Variants in CCNJL observed in about 807,000 individuals in gnomAD.
CCNJL encodes cyclin J like.
Under a neutral mutation model 33.4 loss-of-function variants are expected in CCNJL, and 33 were observed. That is an observed-to-expected ratio of 0.99 (90% CI 0.75 to 1.32). The LOEUF (loss-of-function observed/expected upper bound fraction) is 1.32, where lower values mean the gene tolerates loss of function less well. CCNJL is among the 40% of genes most tolerant of loss of function. CCNJL has a pLI of 0.00. For missense variants in CCNJL, 512 were observed against 499.7 expected, an observed-to-expected ratio of 1.02 and a Z score of -0.23; for synonymous variants, 227 against 220.9, an observed-to-expected ratio of 1.03 and a Z score of -0.24.
In CCNJL at chr5:160,249,493, T is replaced by C. The variant is rs556470963; in HGVS notation, c.*3885A>G. 6.6e-6 allele frequency: 1 copy of C among 152,310 alleles called. No homozygotes were observed. Among genetic ancestry groups the C allele is most frequent in the South Asian group, 2.1e-4 (1 of 4,834 alleles). The allele number at this position is 152,310 out of a possible 1,614,324, so 9.4% of individuals were successfully genotyped here. ...TCAAAACAAGCTGGACCAGGCGTAGTGGCTTATACCTGTAATCTCAGCACT... is the reference window on the plus strand; with the variant it reads ...TCAAAACAAGCTGGACCAGGCGTAGCGGCTTATACCTGTAATCTCAGCACT... On this transcript the variant is annotated 3_prime_UTR_variant, in exon 6 of 6. Transcript: ENST00000257536.
chr5:160,318,067 AG>A (rs1447724796), intron 1 of CCNJL, among the ~76,000 whole-genome samples: 2 of 149,606 alleles, frequency 1.3e-5, no homozygotes, highest in Non-Finnish European at 3.0e-5. Context: ...GCCAGGCTGG[AG>A]TGCAGTAGCA....
At chr5:160,290,328 C>T (rs1459034195) in intron 2 of CCNJL, among the ~76,000 whole-genome samples, 2 of 151,396 alleles carry the variant, frequency 1.3e-5, no homozygotes, top group Non-Finnish European at 2.9e-5. Context: ...TACAGTGGCA[C>T]GATCTCAGCT....
At chr5:160,273,117 T>G (rs746707695) in intron 3 of CCNJL, among the ~76,000 whole-genome samples, 2 of 152,234 alleles carry the variant, frequency 1.3e-5, no homozygotes, top group Non-Finnish European at 2.9e-5. Context: ...TTCTTGTTAT[T>G]CATGTCAGTT....
chr5:160,291,036 T>TAAAAAAAAA (rs1177369719), intron 2 of CCNJL, among the ~76,000 whole-genome samples: 102 of 57,468 alleles, frequency 1.8e-3, no homozygotes, highest in Non-Finnish European at 2.3e-3. Flanking sequence ...CGTCTTTACT[T>TAAAAAAAAA]AAAAAAAAAA....
upstream of CCNJL, among the ~76,000 whole-genome samples, chr5:160,316,576 C>G (rs919399510): frequency 1.3e-5 from 2 of 152,206 alleles, no homozygotes; most frequent in South Asian, 4.1e-4. Flanking sequence ...TACACGTTCT[C>G]CCTCTGGTCC....
chr5:160,287,989 C>T (rs1762464205), intron 2 of CCNJL, among the ~76,000 whole-genome samples: 1 of 152,156 alleles, frequency 6.6e-6, no homozygotes, highest in South Asian at 2.1e-4. Flanking sequence ...CTCAGGGAAG[C>T]CCATCTGCCG....
At chr5:160,276,370 A>G (rs6879976) in intron 3 of CCNJL, 11,113 of 150,182 alleles carry the variant, frequency 0.074, 1,358 homozygotes, top group African/African-American at 0.26. Context: ...AGCTGAGATC[A>G]TGCCACTGCA....
intron 1 of CCNJL, among the ~76,000 whole-genome samples, chr5:160,328,127 G>T (rs1373468727): frequency 6.6e-6 from 1 of 152,186 alleles, no homozygotes; most frequent in Non-Finnish European, 1.5e-5. Flanking sequence ...CAGCGAACCT[G>T]GAATTTAGTG....
chr5:160,295,920 A>C (rs997771731), intron 2 of CCNJL, among the ~76,000 whole-genome samples: 5 of 152,168 alleles, frequency 3.3e-5, no homozygotes, highest in African/African-American at 9.7e-5. Flanking sequence ...TGTCTCACCG[A>C]ATCAGAATTC....
intron 1 of CCNJL, chr5:160,326,776 A>G (rs1443456909): frequency 7.9e-6 from 7 of 884,910 alleles, no homozygotes; most frequent in Admixed American, 5.3e-5. Flanking sequence ...CTTACAAAAT[A>G]GATCGCAGAT....
At chr5:160,281,111 T>C (rs1330705754) in intron 2 of CCNJL, among the ~76,000 whole-genome samples, 4 of 152,220 alleles carry the variant, frequency 2.6e-5, no homozygotes, top group Non-Finnish European at 5.9e-5. Flanking sequence ...ATCCAAATTC[T>C]GGTTCCACTA....
chr5:160,270,385 G>A (rs551370057), intron 3 of CCNJL, among the ~76,000 whole-genome samples: 14 of 152,182 alleles, frequency 9.2e-5, no homozygotes, highest in South Asian at 4.2e-4. Context: ...CGGAGGTTGC[G>A]GTGAGCCGAA....
At chr5:160,274,623 G>A (rs146979782) in intron 3 of CCNJL, among the ~76,000 whole-genome samples, 3,454 of 152,330 alleles carry the variant, frequency 0.023, 65 homozygotes, top group Non-Finnish European at 0.032. Context: ...ACCACCTCCT[G>A]CCAGACACTT....
chr5:160,327,120 TA>T (rs368393743), intron 1 of CCNJL, among the ~76,000 whole-genome samples: 5,587 of 143,184 alleles, frequency 0.039, 255 homozygotes, highest in African/African-American at 0.12. Flanking sequence ...TGTTTGTATT[TA>T]AAAAAAAAAA....
intron 2 of CCNJL, chr5:160,281,495 T>C (rs1762213274): frequency 6.6e-6 from 1 of 152,628 alleles, no homozygotes; most frequent in African/African-American, 2.4e-5. Flanking sequence ...GCAATATATA[T>C]ACTGCCACAT....
chr5:160,268,320 G>A (rs934765260), intron 3 of CCNJL, among the ~76,000 whole-genome samples: 4 of 152,208 alleles, frequency 2.6e-5, no homozygotes, highest in East Asian at 1.9e-4. Flanking sequence ...TGGATTCTAC[G>A]GAGTGGCAGC....
chr5:160,306,450 G>T (rs970368417), intron 2 of CCNJL, among the ~76,000 whole-genome samples: 28 of 152,094 alleles, frequency 1.8e-4, no homozygotes, highest in Non-Finnish European at 2.4e-4. Flanking sequence ...TTGGGAGAAG[G>T]TAAACACCCA....
chr5:160,324,889 T>C (rs538660391), intron 1 of CCNJL, among the ~76,000 whole-genome samples: 1 of 132,578 alleles, frequency 7.5e-6, no homozygotes, highest in African/African-American at 2.8e-5. Context: ...TCTTTAAATT[T>C]TGTGTTGGGC....
chr5:160,337,117 C>T (rs767402785), intron 1 of CCNJL, among the ~76,000 whole-genome samples: 2 of 150,790 alleles, frequency 1.3e-5, no homozygotes, highest in African/African-American at 2.4e-5. Context: ...AATCCTCCCA[C>T]CTCAGCCTTC....
Sources: allele counts gnomAD v4.1 joint callset (sites outside exome capture counted in the v4.1 genomes callset), GRCh38; gene constraint gnomAD v4.1.1; transcripts MANE v1.5; gene names NCBI Gene and HGNC (gene_info 2026-07-23, HGNC 2026-07-21).